PDK1: variants seen among roughly 807,000 people sequenced by gnomAD.
The protein encoded by PDK1 is pyruvate dehydrogenase kinase 1, also known as [Pyruvate dehydrogenase (acetyl-transferring)] kinase isozyme 1, mitochondrial.
In PDK1, 39 loss-of-function variants were observed where a neutral mutation model predicts 54.2. The ratio of observed to expected loss-of-function variants is 0.72; its 90% CI spans 0.56 to 0.94. The LOEUF (loss-of-function observed/expected upper bound fraction) is 0.94. Among genes scored for constraint, PDK1 ranks in the 40% least tolerant of loss-of-function variants. The probability of loss-of-function intolerance (pLI) is 0.00; values close to 1 mark genes in which losing one functional copy is unlikely to be tolerated. For synonymous variants in PDK1, 221 were observed against 207.1 expected (o/e 1.07, Z -0.58); for missense variants, 552 against 566.0 (o/e 0.98, Z 0.25).
At chr2:172,664,110 G>A in the PDK1 span, among the ~76,000 whole-genome samples, 24 of 151,402 alleles carry the variant, frequency 1.6e-4, no homozygotes, top group South Asian at 6.3e-4. Context: ...TAGGGAGTTC[G>A]CGACCAGCCT....
chr2:172,623,984 T>C, the PDK1 span, among the ~76,000 whole-genome samples: 1 of 152,174 alleles, frequency 6.6e-6, no homozygotes, highest in Non-Finnish European at 1.5e-5. Context: ...TTTTTGCAGC[T>C]ACTTACCCCT....
At chr2:172,631,226 C>A in the PDK1 span, among the ~76,000 whole-genome samples, 1 of 152,166 alleles carries the variant, frequency 6.6e-6, no homozygotes, top group Non-Finnish European at 1.5e-5. Context: ...GTTTTCTATT[C>A]TTTTCTATTT....
the PDK1 span, among the ~76,000 whole-genome samples, chr2:172,621,159 T>C: frequency 6.6e-6 from 1 of 152,132 alleles, no homozygotes; most frequent in Non-Finnish European, 1.5e-5. Context: ...TGGTTAATAC[T>C]GACTGTCGAT....
chr2:172,642,784 C>A, the PDK1 span, among the ~76,000 whole-genome samples: 1 of 99,704 alleles, frequency 1.0e-5, no homozygotes, highest in Non-Finnish European at 2.3e-5. Flanking sequence ...TCCTCCTCCT[C>A]CCACTCCTCC....
the PDK1 span, among the ~76,000 whole-genome samples, chr2:172,621,894 G>GATATATGTTTATATCTCCTA: frequency 2.7e-5 from 3 of 109,500 alleles, no homozygotes; most frequent in Non-Finnish European, 5.8e-5. Context: ...TATCTCATAT[G>GATATATGTTTATATCTCCTA]TATGATATAT....
the PDK1 span, among the ~76,000 whole-genome samples, chr2:172,706,551 GA>G: frequency 6.6e-6 from 1 of 152,000 alleles, no homozygotes; most frequent in Non-Finnish European, 1.5e-5. Flanking sequence ...TCAGTATGCA[GA>G]GTAGCTGGGA....
At chr2:172,656,014 C>G in the PDK1 span, among the ~76,000 whole-genome samples, 7 of 152,290 alleles carry the variant, frequency 4.6e-5, no homozygotes, top group East Asian at 1.9e-4. Context: ...TCATCTTTCC[C>G]TGGATCTTTA....
rs1688312138 is a variant in PDK1, at chr2:172,556,223, A to G, written c.73A>G (p.Ser25Gly). The change falls in exon 1 of 11, where the codon AGC becomes GGC. Residue 25 changes from serine (S) to glycine (G), a missense_variant. Physicochemically the swap from Ser to Gly is moderately conservative, Grantham distance 56. Coordinates refer to ENST00000282077, the MANE Select transcript of PDK1 (RefSeq NM_002610.5). ...PGPGLRAAGF[S>G]RSFSSDSGSS... ...CCCGGGGCTGCGCGCCGCCGGCTTC[A>G]GCCGCAGCTTCAGCTCGGACTCGGG... 1.4e-6 allele frequency: 2 copies of G among 1,432,426 alleles called. No homozygotes were observed. The allele number at this position is 1,432,426 out of a possible 1,614,324, so 88.7% of individuals were successfully genotyped here. A position where few individuals can be genotyped will look rare whatever the true frequency, so the allele number is the denominator to read the frequency against.
chr2:172,578,002 A>G (rs1689669494), intron 8 of PDK1, among the ~76,000 whole-genome samples: 1 of 152,164 alleles, frequency 6.6e-6, no homozygotes, highest in African/African-American at 2.4e-5. Context: ...ATTTCTTGAT[A>G]GCCCATGTCT....
chr2:172,560,221 G>C (rs1457170911), intron 2 of PDK1, among the ~76,000 whole-genome samples: 1 of 152,134 alleles, frequency 6.6e-6, no homozygotes, highest in Non-Finnish European at 1.5e-5. Context: ...GTGCAGTAGT[G>C]TGATCATGGC....
intron 3 of PDK1, among the ~76,000 whole-genome samples, chr2:172,563,125 G>A (rs560091550): frequency 2.1e-4 from 32 of 152,256 alleles, no homozygotes; most frequent in Non-Finnish European, 4.4e-4. Flanking sequence ...AAGAGGGTAA[G>A]TAGTTTAAGG....
chr2:172,698,291 C>G, the PDK1 span, among the ~76,000 whole-genome samples: 1 of 152,100 alleles, frequency 6.6e-6, no homozygotes, highest in African/African-American at 2.4e-5. Flanking sequence ...TTCTCTCCAC[C>G]AAGAATCTCC....
chr2:172,710,685 C>T, the PDK1 span, among the ~76,000 whole-genome samples: 1 of 152,186 alleles, frequency 6.6e-6, no homozygotes, highest in South Asian at 2.1e-4. Flanking sequence ...TCTATACCAG[C>T]CTGCCCTCTG....
At chr2:172,565,285 A>G (rs753053782) in intron 5 of PDK1, among the ~76,000 whole-genome samples, 20 of 152,092 alleles carry the variant, frequency 1.3e-4, no homozygotes, top group Admixed American at 3.3e-4. Flanking sequence ...TGGTGATACT[A>G]TAGAGGATAT....
the PDK1 span, among the ~76,000 whole-genome samples, chr2:172,669,120 C>T: frequency 7.3e-5 from 10 of 137,140 alleles, no homozygotes; most frequent in African/African-American, 2.5e-4. Context: ...AGTGCAGTGG[C>T]GCAATCTCGG....
the PDK1 span, among the ~76,000 whole-genome samples, chr2:172,625,909 CAA>C: frequency 1.3e-5 from 2 of 152,074 alleles, no homozygotes; most frequent in Admixed American, 6.6e-5. Context: ...GAATCAGTGA[CAA>C]AGAGAAAATA....
upstream of PDK1, chr2:172,555,841 C>G (rs569605629): frequency 7.5e-6 from 2 of 265,000 alleles, no homozygotes; most frequent in African/African-American, 2.2e-5. Context: ...CACACCTCGC[C>G]GGCTGGGGCG....
At chr2:172,575,373 G>T (rs530094523) in intron 8 of PDK1, among the ~76,000 whole-genome samples, 1 of 152,300 alleles carries the variant, frequency 6.6e-6, no homozygotes. Flanking sequence ...CATTTTGGAA[G>T]AGTTTTTGAA....
chr2:172,695,041 C>T, the PDK1 span, among the ~76,000 whole-genome samples: 1 of 152,054 alleles, frequency 6.6e-6, no homozygotes, highest in African/African-American at 2.4e-5. Flanking sequence ...TCACTTGAAC[C>T]CAGGAGTCAG....
Sources: allele counts gnomAD v4.1 joint callset (sites outside exome capture counted in the v4.1 genomes callset), GRCh38; gene constraint gnomAD v4.1.1; transcripts MANE v1.5; gene names NCBI Gene and HGNC (gene_info 2026-07-23, HGNC 2026-07-21).